CUX1: variants seen among roughly 807,000 people sequenced by gnomAD.
The protein encoded by CUX1 is cut like homeobox 1, also known as protein CASP.
A neutral mutation model predicts 158.8 loss-of-function variants in CUX1; 31 were observed. That is an observed-to-expected ratio of 0.20 (90% CI 0.15 to 0.26). The LOEUF (loss-of-function observed/expected upper bound fraction) is 0.26. Ranked by LOEUF, CUX1 falls within the 10% of genes least tolerant of loss-of-function variation. CUX1 has a pLI of 1.00. For missense variants in CUX1, 1,589 were observed against 2,014.6 expected (o/e 0.79, Z 4.04); for synonymous variants, 879 against 862.1 (o/e 1.02, Z -0.34).
At chr7:102,151,936 G>A (rs1290354435) in intron 8 of CUX1, among the ~76,000 whole-genome samples, 1 of 152,044 alleles carries the variant, frequency 6.6e-6, no homozygotes, top group African/African-American at 2.4e-5. Context: ...GCCAGGCACA[G>A]TGGCTCAGGC....
downstream of CUX1, among the ~76,000 whole-genome samples, chr7:102,261,273 C>A (rs1242061432): frequency 2.6e-5 from 4 of 152,190 alleles, no homozygotes; most frequent in Admixed American, 1.3e-4. Context: ...GTGGACAGAT[C>A]ACCTGAGGTC....
At position 102,083,858 on chromosome 7, in the gene CUX1, G is replaced by A. The variant is rs578115741; in HGVS notation, c.268+13441G>A. On this transcript the variant is annotated intron_variant, in intron 4 of 23. Coordinates refer to ENST00000292535, the MANE Select transcript of CUX1 (RefSeq NM_181552.4). ...CATGTTTTTGAATGTTATATTAAAG[G>A]ATATTTTCTTTTTTAAAAAATCTAC... Among the ~76,000 whole-genome samples, 96 of 146,624 alleles carry A rather than the reference G, an allele frequency of 6.5e-4. 14 individuals are homozygous for A. The highest frequency in any genetic ancestry group is 1.2e-3 in the Non-Finnish European group (78 of 64,934).
intron 3 of CUX1, among the ~76,000 whole-genome samples, chr7:102,051,035 C>G (rs931927121): frequency 1.3e-5 from 2 of 152,122 alleles, no homozygotes; most frequent in Admixed American, 6.5e-5. Flanking sequence ...CAGGGATTCC[C>G]CTTCAGCATA....
intron 9 of CUX1, among the ~76,000 whole-genome samples, chr7:102,162,552 C>T (rs1238656945): frequency 6.6e-6 from 1 of 152,314 alleles, no homozygotes; most frequent in South Asian, 2.1e-4. Context: ...GCTGGGACTA[C>T]AGGCATATGG....
Position 102,196,671 on chromosome 7 carries a change from T to C in CUX1, c.1260T>C (p.Ser420=). The C allele has an allele frequency of 6.3e-7, 1 of 1,591,852 alleles. No individual in the cohort carries two copies. The highest frequency in any genetic ancestry group is 8.6e-7 in the Non-Finnish European group (1 of 1,167,958). ...GGAAAGGGAAAGACCAGCCTGAAAGTCGGCGCCCGGGATCTTTGCCGGCCC... is the reference window on the plus strand; with the variant it reads ...GGAAAGGGAAAGACCAGCCTGAAAGCCGGCGCCCGGGATCTTTGCCGGCCC... ...ARRKGKDQPE[S]RRPGSLPAPP... Residue 420 remains serine (S), a synonymous_variant, in exon 15 of 24, where the codon AGT becomes AGC. Transcript: ENST00000292535.
intron 2 of CUX1, among the ~76,000 whole-genome samples, chr7:102,009,009 G>A (rs898459527): frequency 2.6e-5 from 4 of 152,126 alleles, no homozygotes; most frequent in South Asian, 2.1e-4. Context: ...TCGGCCCCGC[G>A]TGCTCCAGCA....
In CUX1 at chr7:102,254,022, T is replaced by C; in HGVS notation, c.*4980T>C. On this transcript the variant is annotated 3_prime_UTR_variant, in exon 24 of 24. Coordinates refer to ENST00000292535, the MANE Select transcript of CUX1 (RefSeq NM_181552.4). Reference sequence around the variant, plus strand: ...CGTGGGCTGGAGAGAGCAGAAAAGCTGCCAGCGCAGCAGACACGAACATCC... The same window carrying C: ...CGTGGGCTGGAGAGAGCAGAAAAGCCGCCAGCGCAGCAGACACGAACATCC... 1 of 985,380 alleles carries C rather than the reference T, an allele frequency of 1.0e-6. No homozygotes were observed. Among genetic ancestry groups the C allele is most frequent in the Non-Finnish European group, 1.2e-6 (1 of 829,954 alleles). The allele number at this position is 985,380 out of a possible 1,614,324, so 61.0% of individuals were successfully genotyped here. A position where few individuals can be genotyped will look rare whatever the true frequency, so the allele number is the denominator to read the frequency against.
At chr7:101,887,843 A>ATTTTT (rs554136468) in intron 1 of CUX1, among the ~76,000 whole-genome samples, 1 of 76,954 alleles carries the variant, frequency 1.3e-5, no homozygotes, top group Non-Finnish European at 2.9e-5. Flanking sequence ...TGACGGTGAC[A>ATTTTT]TTTTTTTTTT....
intron 14 of CUX1, among the ~76,000 whole-genome samples, chr7:102,263,991 C>G (rs530469577): frequency 1.1e-4 from 16 of 139,570 alleles, no homozygotes; most frequent in African/African-American, 3.7e-4. Flanking sequence ...TATTCCCAGA[C>G]AGAAGTTAAC....
chr7:101,876,505 G>A (rs1000105639), intron 1 of CUX1, among the ~76,000 whole-genome samples: 2 of 151,290 alleles, frequency 1.3e-5, no homozygotes, highest in Non-Finnish European at 2.9e-5. Context: ...GACCATCCTG[G>A]CCAACATGGT....
chr7:102,249,783 T>G lies in CUX1; in HGVS notation c.*741T>G. On this transcript the variant is annotated 3_prime_UTR_variant, in exon 24 of 24. Transcript: ENST00000292535. ...CAAAACGACTCTAAACACACTAGTT[T>G]GGATTCCTAAATATTTTCAAGAAAA... is the stretch of plus-strand genomic sequence containing the variant. 1.0e-6 allele frequency: 1 copy of G among 985,840 alleles called. No homozygotes were observed. The highest frequency in any genetic ancestry group is 1.2e-6 in the Non-Finnish European group (1 of 829,900). 61.1% of individuals were successfully genotyped at this position (985,840 alleles called of 1,614,324 possible).
At chr7:102,091,691 C>G (rs918957879) in intron 4 of CUX1, among the ~76,000 whole-genome samples, 1 of 152,138 alleles carries the variant, frequency 6.6e-6, no homozygotes, top group Non-Finnish European at 1.5e-5. Context: ...GCTTAAAACT[C>G]TTACATGCTT....
intron 20 of CUX1, among the ~76,000 whole-genome samples, chr7:102,206,943 C>T (rs185949936): frequency 3.5e-4 from 54 of 152,228 alleles, no homozygotes; most frequent in African/African-American, 1.1e-3. Context: ...GGAAGTCTCC[C>T]CTGGTGCCAG....
At chr7:101,997,448 A>C (rs1816094781) in intron 2 of CUX1, among the ~76,000 whole-genome samples, 1 of 152,050 alleles carries the variant, frequency 6.6e-6, no homozygotes. Context: ...GGTTCAAGAG[A>C]TTCTCCTGCC....
intron 8 of CUX1, among the ~76,000 whole-genome samples, chr7:102,156,343 G>A (rs564887832): frequency 1.3e-5 from 2 of 152,264 alleles, no homozygotes; most frequent in Admixed American, 1.3e-4. Context: ...CCTGGCGAGG[G>A]CTTCCATGCT....
chr7:102,203,634 G>T (rs1277695017), intron 18 of CUX1, among the ~76,000 whole-genome samples: 2 of 152,176 alleles, frequency 1.3e-5, no homozygotes, highest in African/African-American at 4.8e-5. Context: ...AACTTGTTTG[G>T]CCCGTGAGTG....
chr7:101,972,060 G>A (rs1486069658), intron 2 of CUX1, among the ~76,000 whole-genome samples: 1 of 152,148 alleles, frequency 6.6e-6, no homozygotes, highest in African/African-American at 2.4e-5. Context: ...TCCGCCTCCC[G>A]GGTTCACGCC....
At position 101,970,594 on chromosome 7, in the gene CUX1, C is replaced by T. The variant is rs190207865; in HGVS notation, c.141+54369C>T. On this transcript the variant is annotated intron_variant, in intron 2 of 23. Transcript: ENST00000292535. ...TTTTTGAAAAGGAGTCCCATTCAGT[C>T]GCCCAGGCTGGAGTGCAGTGGTACG... Among the ~76,000 whole-genome samples, 7 of 152,246 alleles carry T rather than the reference C, an allele frequency of 4.6e-5. No homozygotes were observed. The East Asian group carries it at 9.7e-4, about 21-fold the overall frequency.
chr7:102,180,215 G>A (rs918066340), intron 11 of CUX1, among the ~76,000 whole-genome samples: 15 of 151,652 alleles, frequency 9.9e-5, no homozygotes, highest in Admixed American at 5.3e-4. Flanking sequence ...TAGAGGCGGG[G>A]TTTCACCATG....
Sources: allele counts gnomAD v4.1 joint callset (sites outside exome capture counted in the v4.1 genomes callset), GRCh38; gene constraint gnomAD v4.1.1; transcripts MANE v1.5; gene names NCBI Gene and HGNC (gene_info 2026-07-23, HGNC 2026-07-21).